FCHSD2: variants seen among roughly 807,000 people sequenced by gnomAD.
FCHSD2 encodes the protein F-BAR and double SH3 domains protein 2.
Under a neutral mutation model 108.1 loss-of-function variants are expected in FCHSD2, and 38 were observed. The observed-to-expected ratio is 0.35, with a 90% CI of 0.27 to 0.46. The LOEUF (loss-of-function observed/expected upper bound fraction) is 0.46, where lower values mean the gene tolerates loss of function less well. FCHSD2 is among the 20% of genes least tolerant of loss of function. The probability of loss-of-function intolerance (pLI) is 1.00; values close to 1 mark genes in which losing one functional copy is unlikely to be tolerated. For missense variants in FCHSD2, 751 were observed against 897.8 expected (o/e 0.84, Z 2.09); for synonymous variants, 279 against 314.7 (o/e 0.89, Z 1.20).
chr11:73,032,756 G>C (rs182268551), intron 3 of FCHSD2, among the ~76,000 whole-genome samples: 1 of 152,088 alleles, frequency 6.6e-6, no homozygotes, highest in African/African-American at 2.4e-5. Context: ...ACGAGAGGTG[G>C]GGTGCAAGTG....
chr11:72,849,068 C>T (rs1168416351), intron 14 of FCHSD2, among the ~76,000 whole-genome samples: 1 of 152,204 alleles, frequency 6.6e-6, no homozygotes, highest in African/African-American at 2.4e-5. Context: ...CTTTTGGCTA[C>T]ACAGGGATGT....
intron 3 of FCHSD2, among the ~76,000 whole-genome samples, chr11:73,059,275 G>A (rs1025315681): frequency 5.9e-5 from 9 of 151,686 alleles, no homozygotes; most frequent in African/African-American, 1.9e-4. Context: ...TTTACCCTCC[G>A]TGGGTTTTTT....
intron 10 of FCHSD2, chr11:72,900,132 T>A: frequency 1.8e-6 from 1 of 562,220 alleles, no homozygotes; most frequent in Non-Finnish European, 3.1e-6. Context: ...AAAACACAGC[T>A]GGTGCATCAG....
At chr11:72,953,083 A>C (rs886209243) in intron 8 of FCHSD2, among the ~76,000 whole-genome samples, 10 of 152,248 alleles carry the variant, frequency 6.6e-5, no homozygotes, top group African/African-American at 2.2e-4. Context: ...TAGAAAATAA[A>C]ATAAACATAG....
At chr11:73,101,853 G>C (rs987215679) in intron 2 of FCHSD2, among the ~76,000 whole-genome samples, 2 of 152,016 alleles carry the variant, frequency 1.3e-5, no homozygotes, top group African/African-American at 4.8e-5. Context: ...GTCACCAAAG[G>C]CCAATGTATT....
chr11:72,915,420 T>C (rs1390097256), intron 9 of FCHSD2, among the ~76,000 whole-genome samples: 2 of 152,212 alleles, frequency 1.3e-5, no homozygotes, highest in African/African-American at 4.8e-5. Flanking sequence ...GAATATACAT[T>C]GTTCTATTAT....
chr11:73,125,621 T>A (rs564894734), intron 2 of FCHSD2, among the ~76,000 whole-genome samples: 6 of 152,076 alleles, frequency 3.9e-5, no homozygotes, highest in African/African-American at 1.4e-4. Flanking sequence ...AAGAGGACTG[T>A]TTGAGCTCAA....
intron 2 of FCHSD2, among the ~76,000 whole-genome samples, chr11:73,089,095 C>T (rs1859892899): frequency 6.6e-6 from 1 of 152,070 alleles, no homozygotes; most frequent in Non-Finnish European, 1.5e-5. Flanking sequence ...ATAACAACTA[C>T]TCAAAATTCA....
At chr11:72,944,899 A>G (rs1002488110) in intron 8 of FCHSD2, among the ~76,000 whole-genome samples, 11 of 152,094 alleles carry the variant, frequency 7.2e-5, no homozygotes, top group African/African-American at 2.2e-4. Context: ...TGAAATAAAA[A>G]AGGATACAAA....
chr11:73,082,354 A>AAAAG (rs1859713273), intron 3 of FCHSD2, among the ~76,000 whole-genome samples: 1 of 144,484 alleles, frequency 6.9e-6, no homozygotes, highest in Non-Finnish European at 1.5e-5. Context: ...AAAAAAAAAA[A>AAAAG]AAAAAAAAGA....
At chr11:73,042,704 C>T (rs1348740567) in intron 3 of FCHSD2, among the ~76,000 whole-genome samples, 1 of 152,082 alleles carries the variant, frequency 6.6e-6, no homozygotes, top group Non-Finnish European at 1.5e-5. Context: ...AGATACCTTT[C>T]CATTTTGTGT....
chr11:73,135,362 A>C (rs1861098580), intron 2 of FCHSD2, among the ~76,000 whole-genome samples: 1 of 152,212 alleles, frequency 6.6e-6, no homozygotes, highest in Non-Finnish European at 1.5e-5. Context: ...AAAATGAACA[A>C]ACATGATAAT....
intron 3 of FCHSD2, among the ~76,000 whole-genome samples, chr11:73,066,586 A>G (rs1476882042): frequency 6.6e-6 from 1 of 152,174 alleles, no homozygotes; most frequent in African/African-American, 2.4e-5. Context: ...AATTTTTGCA[A>G]TCTATCTGAC....
chr11:73,000,974 G>A lies in FCHSD2; in HGVS notation c.387+16C>T, dbSNP rs1857614381. On this transcript the variant is annotated intron_variant, in intron 5 of 19. Transcript: ENST00000409418. ...GGATATTAAAATGCATATAAGAACA[G>A]AAATAAAAACAATACCCTTTTTAGT... 6.3e-7 allele frequency: 1 copy of A among 1,589,502 alleles called. No individual in the cohort carries two copies. The highest frequency in any genetic ancestry group is 8.6e-7 in the Non-Finnish European group (1 of 1,166,270).
intron 3 of FCHSD2, among the ~76,000 whole-genome samples, chr11:73,016,730 G>A (rs570560561): frequency 2.0e-5 from 3 of 152,116 alleles, no homozygotes; most frequent in Admixed American, 6.5e-5. Flanking sequence ...AGATTTTAAG[G>A]GTCTTTTCTT....
At chr11:72,990,747 G>A (rs186002943) in intron 5 of FCHSD2, among the ~76,000 whole-genome samples, 2 of 152,308 alleles carry the variant, frequency 1.3e-5, no homozygotes, top group East Asian at 1.9e-4. Flanking sequence ...ATGCCCACAA[G>A]AGAAAGCAGG....
intron 8 of FCHSD2, among the ~76,000 whole-genome samples, chr11:72,966,533 T>C (rs1274525270): frequency 6.6e-6 from 1 of 152,196 alleles, no homozygotes; most frequent in Non-Finnish European, 1.5e-5. Context: ...CTTACTTGCC[T>C]GCATAGCTTC....
chr11:72,964,582 A>G (rs1054980192), intron 8 of FCHSD2, among the ~76,000 whole-genome samples: 2 of 152,154 alleles, frequency 1.3e-5, no homozygotes, highest in African/African-American at 4.8e-5. Flanking sequence ...CCTGACATAC[A>G]GTAAGCACTC....
intron 3 of FCHSD2, among the ~76,000 whole-genome samples, chr11:73,048,315 T>C (rs183818421): frequency 6.6e-6 from 1 of 152,300 alleles, no homozygotes; most frequent in Admixed American, 6.5e-5. Flanking sequence ...CTGATCTCCC[T>C]TAAGCCAAGG....
Sources: gnomAD v4.1 joint callset for allele counts (sites outside exome capture counted in the v4.1 genomes callset) on GRCh38, gnomAD v4.1.1 for gene constraint, MANE v1.5 for transcripts, NCBI Gene and HGNC (gene_info 2026-07-23, HGNC 2026-07-21) for gene names.